MICU1: variants seen among roughly 807,000 people sequenced by gnomAD.
MICU1 encodes calcium uptake protein 1, mitochondrial.
MICU1 carries 45 observed loss-of-function variants against 56.8 expected under a neutral mutation model. The ratio of observed to expected loss-of-function variants is 0.79; its 90% CI spans 0.62 to 1.02. The LOEUF (loss-of-function observed/expected upper bound fraction) is 1.02. MICU1 is among the 50% of genes least tolerant of loss of function. MICU1 has a pLI of 0.00. For missense variants in MICU1, 504 were observed against 587.1 expected (o/e 0.86, Z 1.46); for synonymous variants, 186 against 195.1 (o/e 0.95, Z 0.39).
At chr10:72,536,148 A>G (rs904354133) in intron 4 of MICU1, among the ~76,000 whole-genome samples, 36 of 152,148 alleles carry the variant, frequency 2.4e-4, no homozygotes, top group Admixed American at 1.1e-3. Context: ...GTTCTATAGC[A>G]TTGTAGAGTT....
intron 2 of MICU1, among the ~76,000 whole-genome samples, chr10:72,563,545 G>C (rs1054986469): frequency 6.6e-6 from 1 of 152,164 alleles, no homozygotes; most frequent in Admixed American, 6.5e-5. Flanking sequence ...GAAACAGAAA[G>C]TAGAATGGGG....
intron 1 of MICU1, among the ~76,000 whole-genome samples, chr10:72,611,087 G>A (rs1274167704): frequency 7.5e-6 from 1 of 133,630 alleles, no homozygotes; most frequent in East Asian, 2.4e-4. Flanking sequence ...GGCGGATCAC[G>A]AGGTCAGGCG....
At chr10:72,388,150 C>G (rs139534406) in intron 10 of MICU1, among the ~76,000 whole-genome samples, 2 of 152,168 alleles carry the variant, frequency 1.3e-5, no homozygotes, top group East Asian at 3.8e-4. Context: ...ATATAGTTAA[C>G]GCTCAATAAA....
rs188187401 is a variant in MICU1, at chr10:72,371,631, C to T, written c.1271-3276G>A. The stretch of plus-strand genomic sequence containing the variant: ...TGGTGGTGGGCACCTGTAATCCCAC[C>T]TACTTGGGAGGCTGAAGCAGGAGAA... On this transcript the variant is annotated intron_variant, in intron 11 of 11. Coordinates refer to ENST00000361114, the MANE Select transcript of MICU1 (RefSeq NM_001195518.2). Among the ~76,000 whole-genome samples, 14 of 152,164 alleles carry T rather than the reference C, an allele frequency of 9.2e-5. No individual in the cohort carries two copies. In the East Asian group the frequency reaches 2.7e-3, roughly 29 times the overall value.
chr10:72,483,887 G>C (rs1191795857), intron 6 of MICU1: 1 of 152,130 alleles, frequency 6.6e-6, no homozygotes, highest in Non-Finnish European at 1.5e-5. Context: ...AAACCACATA[G>C]ACTGTAATTG....
chr10:72,425,094 T>G (rs1382325918), intron 8 of MICU1, among the ~76,000 whole-genome samples: 1 of 152,258 alleles, frequency 6.6e-6, no homozygotes, highest in Admixed American at 6.5e-5. Flanking sequence ...TAAATGGGCA[T>G]ACTTTTTGCA....
chr10:72,544,821 C>T (rs372073141), intron 4 of MICU1, among the ~76,000 whole-genome samples: 13 of 152,316 alleles, frequency 8.5e-5, no homozygotes, highest in African/African-American at 2.9e-4. Flanking sequence ...TTACTCCAAA[C>T]TTTCTTGACA....
intron 1 of MICU1, among the ~76,000 whole-genome samples, chr10:72,567,884 TC>T: frequency 6.6e-6 from 1 of 152,222 alleles, no homozygotes; most frequent in Middle Eastern, 3.4e-3. Flanking sequence ...GGGAAAAACT[TC>T]CAGTATCACA....
chr10:72,576,727 C>T (rs1840757153), intron 1 of MICU1, among the ~76,000 whole-genome samples: 1 of 152,176 alleles, frequency 6.6e-6, no homozygotes, highest in African/African-American at 2.4e-5. Context: ...GAAGAAGATG[C>T]CATCTAGGAC....
chr10:72,573,307 CAAAAAAAA>C (rs58866778), intron 1 of MICU1, among the ~76,000 whole-genome samples: 1 of 21,040 alleles, frequency 4.8e-5, no homozygotes, highest in Non-Finnish European at 8.3e-5. Flanking sequence ...CCCATCACTA[CAAAAAAAA>C]AAAAAAAAAA....
intron 8 of MICU1, among the ~76,000 whole-genome samples, chr10:72,451,951 G>A (rs991456629): frequency 2.6e-5 from 4 of 151,998 alleles, no homozygotes; most frequent in Non-Finnish European, 5.9e-5. Flanking sequence ...TGAAACCTCC[G>A]CCACCTGGGT....
intron 1 of MICU1, among the ~76,000 whole-genome samples, chr10:72,611,598 C>T (rs1395551687): frequency 6.6e-6 from 1 of 151,290 alleles, no homozygotes; most frequent in Non-Finnish European, 1.5e-5. Flanking sequence ...AAGAAAAAAC[C>T]CTAAAAAGAA....
chr10:72,452,605 C>A (rs1330882232), intron 8 of MICU1, among the ~76,000 whole-genome samples: 1 of 152,076 alleles, frequency 6.6e-6, no homozygotes, highest in Non-Finnish European at 1.5e-5. Context: ...TTGCAACTGC[C>A]CTCTATGGTA....
intron 8 of MICU1, among the ~76,000 whole-genome samples, chr10:72,443,448 G>A (rs1865005769): frequency 6.6e-6 from 1 of 152,176 alleles, no homozygotes. Flanking sequence ...CCTTGCCCGT[G>A]CCTATGTCCT....
chr10:72,493,974 T>C (rs1273485675), intron 6 of MICU1, among the ~76,000 whole-genome samples: 4 of 152,172 alleles, frequency 2.6e-5, no homozygotes, highest in African/African-American at 7.2e-5. Context: ...AATCCTGGCA[T>C]ACAAATGGTT....
At position 72,475,176 on chromosome 10, in the gene MICU1, T is replaced by G; in HGVS notation, c.857A>C (p.Asp286Ala). Residue 286 changes from aspartate (D) to alanine (A), a missense_variant, in exon 8 of 12, where the codon GAT (aspartate) becomes GCT (alanine). Transcript: ENST00000361114. Reference protein sequence around the residue: ...SALTTYFFGADLKGKLTIKNF... With the variant: ...SALTTYFFGAALKGKLTIKNF... ...TTTGATTGTCAGCTTTCCCTTCAGA[T>G]CAGCTCCAAAAAAGTAGGTTGTGAG... The G allele has an allele frequency of 1.2e-6, 2 of 1,611,360 alleles. No homozygotes were observed. The highest frequency in any genetic ancestry group is 1.7e-6 in the Non-Finnish European group (2 of 1,178,722).
intron 1 of MICU1, among the ~76,000 whole-genome samples, chr10:72,603,619 A>G (rs1841604632): frequency 7.9e-5 from 12 of 152,034 alleles, no homozygotes; most frequent in Admixed American, 7.9e-4. Context: ...AGCCTGACCA[A>G]CATAGAGAAA....
chr10:72,456,902 T>TG (rs1165113307), intron 8 of MICU1, among the ~76,000 whole-genome samples: 5 of 124,774 alleles, frequency 4.0e-5, no homozygotes, highest in Admixed American at 2.4e-4. Flanking sequence ...TGTGTGTGTG[T>TG]TTTGTTTGTT....
At chr10:72,426,701 A>C (rs566724518) in intron 8 of MICU1, among the ~76,000 whole-genome samples, 18 of 152,288 alleles carry the variant, frequency 1.2e-4, no homozygotes, top group African/African-American at 3.6e-4. Context: ...CCCGGCCTGA[A>C]TTTTGGATTA....
Sources: allele counts gnomAD v4.1 joint callset (sites outside exome capture counted in the v4.1 genomes callset), GRCh38; gene constraint gnomAD v4.1.1; transcripts MANE v1.5; gene names NCBI Gene and HGNC (gene_info 2026-07-23, HGNC 2026-07-21).